The following ZNF674 variants were observed in gnomAD, a reference collection of about 807,000 sequenced individuals.
ZNF674 encodes zinc finger family member 674.
Under a neutral mutation model 7.0 loss-of-function variants are expected in ZNF674, and 2 were observed. The ratio of observed to expected loss-of-function variants is 0.29; its 90% confidence interval spans 0.12 to 0.90. The LOEUF is 0.90. Among genes scored for constraint, ZNF674 ranks in the 40% least tolerant of loss-of-function variants. The pLI, the probability that ZNF674 is intolerant of heterozygous loss-of-function variation, is 0.57. For missense variants in ZNF674, 297 were observed against 415.5 expected (o/e 0.71, Z 2.48); for synonymous variants, 103 against 145.2 (o/e 0.71, Z 2.09).
At chrX:46,529,322 A>C in intron 3 of ZNF674, 1 of 169,049 alleles carries the variant, frequency 5.9e-6, no homozygotes, top group Non-Finnish European at 1.1e-5. Context: ...CATTCAACAC[A>C]TGTTTACTGA....
At chrX:46,538,592 T>TA (rs950804439) in intron 3 of ZNF674, among the ~76,000 whole-genome samples, 9 of 110,969 alleles carry the variant, frequency 8.1e-5, no homozygotes, top group Non-Finnish European at 1.5e-4. Flanking sequence ...AAATGATGGT[T>TA]AAAAAAAATG....
In ZNF674 at chrX:46,528,361, C is replaced by T. The variant is rs749364061; in HGVS notation, c.227G>A (p.Arg76Gln). 5.9e-5 allele frequency: 71 copies of T among 1,209,724 alleles called. No individual in the cohort carries two copies. In the South Asian group the frequency reaches 1.1e-3, roughly 19 times the overall value. ...TGGCCTGTCCTCACCTGCACAGGTCCGTACCGGGGTCCCTCCATCTGCCAT... is the reference window on the plus strand; with the variant it reads ...TGGCCTGTCCTCACCTGCACAGGTCTGTACCGGGGTCCCTCCATCTGCCAT... ...SWMADGGTPV[R>Q]TCAEVWEVDE... The change falls in exon 5 of 6, where the codon CGG becomes CAG. Residue 76 changes from arginine (R) to glutamine (Q), a missense_variant. Physicochemically the swap from Arg to Gln is conservative, Grantham distance 43. Transcript: ENST00000683375.
intron 5 of ZNF674, chrX:46,525,547 G>A (rs1393416832): frequency 2.7e-5 from 3 of 112,500 alleles, no homozygotes; most frequent in African/African-American, 1.0e-4. Flanking sequence ...CCCAGGAGGC[G>A]GAGGTTGTGG....
chrX:46,537,246 G>A (rs1424262882), intron 3 of ZNF674, among the ~76,000 whole-genome samples: 1 of 109,461 alleles, frequency 9.1e-6, no homozygotes, highest in Non-Finnish European at 1.9e-5. Context: ...ACTCCAGCCT[G>A]TAGAGCAAGA....
chrX:46,531,113 G>T (rs1307228682), intron 3 of ZNF674, among the ~76,000 whole-genome samples: 1 of 113,220 alleles, frequency 8.8e-6, no homozygotes, highest in East Asian at 2.7e-4. Context: ...AACAACCAAA[G>T]GGCTGGGTGG....
chrX:46,539,057 C>T (rs182121507), intron 3 of ZNF674, among the ~76,000 whole-genome samples: 2 of 111,082 alleles, frequency 1.8e-5, no homozygotes, highest in African/African-American at 6.5e-5. Flanking sequence ...TGGTGGCACA[C>T]GCCTGTGGTC....
chrX:46,538,021 G>A (rs771611984), intron 3 of ZNF674, among the ~76,000 whole-genome samples: 24 of 110,456 alleles, frequency 2.2e-4, no homozygotes, highest in South Asian at 1.9e-3. Context: ...CCCGGGAGGC[G>A]GAGGTTGCAG....
chrX:46,513,982 T>C (rs182427272), intron 5 of ZNF674, among the ~76,000 whole-genome samples: 244 of 111,088 alleles, frequency 2.2e-3, no homozygotes, highest in African/African-American at 7.8e-3. Flanking sequence ...GAAGGATCAA[T>C]TGGGCCCAGG....
At chrX:46,532,747 C>A (rs1336609121) in intron 3 of ZNF674, among the ~76,000 whole-genome samples, 1 of 111,918 alleles carries the variant, frequency 8.9e-6, no homozygotes, top group Non-Finnish European at 1.9e-5. Context: ...AGATAATAGA[C>A]CACAGGTGTC....
intron 5 of ZNF674, among the ~76,000 whole-genome samples, chrX:46,524,519 G>A (rs1051625780): frequency 8.4e-5 from 9 of 106,723 alleles, no homozygotes; most frequent in Non-Finnish European, 1.7e-4. Flanking sequence ...AAGAAACCCC[G>A]TCTCTATATA....
intron 5 of ZNF674, among the ~76,000 whole-genome samples, chrX:46,509,192 A>T (rs1941599704): frequency 1.9e-5 from 2 of 103,956 alleles, no homozygotes; most frequent in African/African-American, 7.0e-5. Flanking sequence ...ACCCTAGAAG[A>T]AAACCTAGGC....
chrX:46,532,404 T>A (rs1344101191), intron 3 of ZNF674, among the ~76,000 whole-genome samples: 1 of 111,955 alleles, frequency 8.9e-6, no homozygotes, highest in East Asian at 2.8e-4. Context: ...AAAAACATAG[T>A]TCTTAGTTTA....
At chrX:46,525,014 TATA>T (rs1347787070) in intron 5 of ZNF674, among the ~76,000 whole-genome samples, 14 of 110,324 alleles carry the variant, frequency 1.3e-4, no homozygotes, top group Non-Finnish European at 2.3e-4. Context: ...CATCTCTAAA[TATA>T]ATAATAATTA....
intron 2 of ZNF674, among the ~76,000 whole-genome samples, chrX:46,542,810 C>CA (rs1942315681): frequency 8.9e-6 from 1 of 112,139 alleles, no homozygotes. Flanking sequence ...AAGCATACTA[C>CA]ACAGGCTTTA....
intron 5 of ZNF674, among the ~76,000 whole-genome samples, chrX:46,504,494 T>C (rs1263057010): frequency 9.1e-6 from 1 of 109,802 alleles, no homozygotes; most frequent in Non-Finnish European, 1.9e-5. Flanking sequence ...AGGCACCTGC[T>C]ACCACGCCTG....
chrX:46,531,694 CT>C (rs1242648319), intron 3 of ZNF674, among the ~76,000 whole-genome samples: 1 of 111,166 alleles, frequency 9.0e-6, no homozygotes, highest in Non-Finnish European at 1.9e-5. Flanking sequence ...TGTCACGTTT[CT>C]AGTCACACAC....
At chrX:46,512,316 C>A (rs1173074586) in intron 5 of ZNF674, among the ~76,000 whole-genome samples, 4 of 97,648 alleles carry the variant, frequency 4.1e-5, no homozygotes, top group East Asian at 6.6e-4. Flanking sequence ...GAGCCGAGAT[C>A]ACGCCATTGC....
chrX:46,507,706 T>C (rs774101159), intron 5 of ZNF674, among the ~76,000 whole-genome samples: 1 of 111,834 alleles, frequency 8.9e-6, no homozygotes, highest in Admixed American at 9.6e-5. Context: ...ATTGGGACTA[T>C]TGGGAAACAA....
chrX:46,530,230 G>T (rs998920077), intron 3 of ZNF674, among the ~76,000 whole-genome samples: 4 of 112,138 alleles, frequency 3.6e-5, no homozygotes, highest in Non-Finnish European at 5.6e-5. Context: ...CAGGAGAGGG[G>T]CAGGAAAGCC....
Sources: allele counts gnomAD v4.1 joint callset (sites outside exome capture counted in the v4.1 genomes callset), GRCh38; gene constraint gnomAD v4.1.1; transcripts MANE v1.5; gene names NCBI Gene and HGNC (gene_info 2026-07-23, HGNC 2026-07-21).